IRS2: variants seen among roughly 807,000 people sequenced by gnomAD.
The protein encoded by IRS2 is insulin receptor substrate 2.
IRS2 carries 28 observed loss-of-function variants against 70.9 expected under a neutral mutation model. That is an observed-to-expected ratio of 0.39 (90% CI 0.29 to 0.54). The LOEUF (loss-of-function observed/expected upper bound fraction) is 0.54, where lower values mean the gene tolerates loss of function less well. Ranked by LOEUF, IRS2 falls within the 20% of genes least tolerant of loss-of-function variation. IRS2 has a pLI of 0.59. For synonymous variants in IRS2, 1,217 were observed against 981.9 expected (o/e 1.24, Z -4.48); for missense variants, 2,081 against 2,024.1 (o/e 1.03, Z -0.54).
intron 1 of IRS2, among the ~76,000 whole-genome samples, chr13:109,773,486 A>G (rs1566409119): frequency 6.6e-6 from 1 of 152,242 alleles, no homozygotes. Context: ...TCACTGTGTC[A>G]CCGCCCAGGC....
chr13:109,777,628 TGAG>T (rs1877608479), intron 1 of IRS2, among the ~76,000 whole-genome samples: 1 of 152,154 alleles, frequency 6.6e-6, no homozygotes, highest in South Asian at 2.1e-4. Flanking sequence ...GACTAAACAA[TGAG>T]TAGTCAAACA....
intron 1 of IRS2, among the ~76,000 whole-genome samples, chr13:109,770,476 A>G (rs953939403): frequency 1.3e-5 from 2 of 152,040 alleles, no homozygotes; most frequent in African/African-American, 4.8e-5. Flanking sequence ...TACAAACACT[A>G]CCTCATCTGA....
chr13:109,775,849 A>T (rs1877562753), intron 1 of IRS2, among the ~76,000 whole-genome samples: 1 of 151,982 alleles, frequency 6.6e-6, no homozygotes, highest in South Asian at 2.1e-4. Context: ...TAAAATGAAT[A>T]TTAAAAGATC....
At position 109,784,286 on chromosome 13, in the gene IRS2, G is replaced by A. The variant is rs781763102; in HGVS notation, c.1768C>T (p.Pro590Ser). 3.8e-6 allele frequency: 6 copies of A among 1,597,630 alleles called. No homozygotes were observed. The African/African-American group carries it at 4.0e-5, about 11-fold the overall frequency. ...TATTCATCCAGCGAGGCAGAGGAGG[G>A]CTGGGGCACCGGCCGCTGCCGGGCT... ...TPARQRPVPQ[P>S]SSASLDEYTL... Residue 590 changes from proline to serine, a missense_variant, in exon 1 of 2, where the codon CCC becomes TCC. Physicochemically the swap from Pro to Ser is moderately conservative, Grantham distance 74. This residue lies in a region of IRS2 where 1,615 missense variants were observed against 1,459.5 expected (regional missense o/e 1.11). Coordinates refer to ENST00000375856, the MANE Select transcript of IRS2 (RefSeq NM_003749.3). The surrounding 1 kb of genome is among the most constrained non-coding windows in gnomAD (Gnocchi z 5.2).
Position 109,782,691 on chromosome 13 carries a change from C to T in IRS2, c.3363G>A (p.Leu1121=), listed in dbSNP as rs2138930429. 1.9e-6 allele frequency: 3 copies of T among 1,582,700 alleles called. No individual in the cohort carries two copies. The highest frequency in any genetic ancestry group is 2.6e-6 in the Non-Finnish European group (3 of 1,165,996). ...GGGGGTCCGGGGGCTGGCTGGCCTG[C>T]AGGAAGGCCTCGACTCCCGACACCT... ...MEQVSGVEAF[L]QASQPPDPHR... The change falls in exon 1 of 2, where the codon CTG becomes CTA. Residue 1121 remains leucine (L), a synonymous_variant. Transcript: ENST00000375856.
rs1428455100 is a variant in IRS2 at position 109,783,427 on chromosome 13, C to T, written c.2627G>A (p.Arg876His). ...GCGCTGGCCCAAGAAGCCCTCCGGG[C>T]GGCCGCCGCTAGGCCGCACGGGCGA... ...VPSPVRPSGG[R>H]PEGFLGQRGR... The change falls in exon 1 of 2, where the codon CGC becomes CAC. Residue 876 changes from arginine (R) to histidine (H), a missense_variant. By Grantham distance (29) the Arg-to-His change is conservative. This residue lies in a region of IRS2 where 1,615 missense variants were observed against 1,459.5 expected (regional missense o/e 1.11). Transcript: ENST00000375856. 6.7e-7 allele frequency: 1 copy of T among 1,491,676 alleles called. No homozygotes were observed. The highest frequency in any genetic ancestry group is 1.3e-5 in the South Asian group (1 of 77,682). The allele number at this position is 1,491,676 out of a possible 1,614,324, so 92.4% of individuals were successfully genotyped here.
intron 1 of IRS2, among the ~76,000 whole-genome samples, chr13:109,781,432 C>T (rs1877695076): frequency 6.6e-6 from 1 of 152,222 alleles, no homozygotes; most frequent in Non-Finnish European, 1.5e-5. Flanking sequence ...CCGTTTCACC[C>T]CTTCCGAGAA....
intron 1 of IRS2, among the ~76,000 whole-genome samples, chr13:109,762,826 A>G (rs1404462601): frequency 6.6e-6 from 1 of 152,250 alleles, no homozygotes; most frequent in African/African-American, 2.4e-5. Context: ...GAAATGCTCA[A>G]TAAAGTTTTC....
chr13:109,783,705 G>A lies in IRS2; in HGVS notation c.2349C>T (p.Phe783=). The A allele has an allele frequency of 7.0e-6, 11 of 1,568,264 alleles. 1 individual carries two copies. Among genetic ancestry groups the A allele is most frequent in the Non-Finnish European group, 9.5e-6 (11 of 1,156,658 alleles). Residue 783 remains phenylalanine, a synonymous_variant, in exon 1 of 2, where the codon TTC becomes TTT. Coordinates refer to ENST00000375856, the MANE Select transcript of IRS2 (RefSeq NM_003749.3). ...DAVTTGTPPD[F]FSAALHPGGE... ...CGCCGGGGTGCAGGGCTGCGGAGAA[G>A]AAGTCGGGCGGGGTGCCCGTGGTGA...
In IRS2 at chr13:109,783,319, T is replaced by C. The variant is rs758578438; in HGVS notation, c.2735A>G (p.Glu912Gly). The C allele has an allele frequency of 1.3e-5, 20 of 1,553,282 alleles. No individual in the cohort carries two copies. Among genetic ancestry groups the C allele is most frequent in the African/African-American group, 5.6e-5 (4 of 70,824 alleles). Reference sequence around the variant, plus strand: ...GATGTACTCGCCGGGGCTCTTGGGCTCCGGTGGCAGTGGGTACTCGTGCAT... The same window carrying C: ...GATGTACTCGCCGGGGCTCTTGGGCCCCGGTGGCAGTGGGTACTCGTGCAT... ...PSMHEYPLPPEPKSPGEYINI... is the reference protein window; with the variant it reads ...PSMHEYPLPPGPKSPGEYINI... The change falls in exon 1 of 2, where the codon GAG becomes GGG. Residue 912 changes from glutamate to glycine, a missense_variant. Transcript: ENST00000375856.
At position 109,785,734 on chromosome 13, in the gene IRS2, G is replaced by A. The variant is rs1877901749; in HGVS notation, c.320C>T (p.Ala107Val). Reference sequence around the variant, plus strand: ...GAGGGCGATCAGGTACTTGTGCTTGGCGTCGGCGCGCTTGTTGATGTTCAG... The same window carrying A: ...GAGGGCGATCAGGTACTTGTGCTTGACGTCGGCGCGCTTGTTGATGTTCAG... ...CCLNINKRAD[A>V]KHKYLIALYT... The change falls in exon 1 of 2, where the codon GCC becomes GTC. Residue 107 changes from alanine to valine, a missense_variant. Ala to Val is a moderately conservative substitution (Grantham distance 64). This residue lies in a region of IRS2 where 320 missense variants were observed against 352.9 expected (regional missense o/e 0.91). Transcript: ENST00000375856. This position sits in a 1 kb window ranked among gnomAD's most constrained non-coding sequence, Gnocchi z 9.3. 6.3e-7 allele frequency: 1 copy of A among 1,598,080 alleles called. No individual in the cohort carries two copies.
chr13:109,774,694 G>A (rs1173426357), intron 1 of IRS2, among the ~76,000 whole-genome samples: 1 of 152,116 alleles, frequency 6.6e-6, no homozygotes, highest in Admixed American at 6.5e-5. Flanking sequence ...AAGTCATCTG[G>A]CCTCTCCACA....
rs1363852080 is a variant in IRS2 at position 109,782,304 on chromosome 13, A to G, written c.3750T>C (p.Gly1250=). 2 of 1,610,764 alleles carry G rather than the reference A, an allele frequency of 1.2e-6. No homozygotes were observed. Among genetic ancestry groups the G allele is most frequent in the African/African-American group, 2.7e-5 (2 of 74,506 alleles). ...TCACGTCGATGGCGATGTAGTTGAG[A>G]CCATTCTGGAAGCCGGCAGAGGTCT... ...RRETSAGFQN[G]LNYIAIDVRE... Residue 1250 remains glycine, a synonymous_variant, in exon 1 of 2, where the codon GGT becomes GGC. Transcript: ENST00000375856.
intron 1 of IRS2, among the ~76,000 whole-genome samples, chr13:109,768,065 T>C (rs1051252343): frequency 6.6e-6 from 1 of 152,200 alleles, no homozygotes; most frequent in African/African-American, 2.4e-5. Flanking sequence ...AGTTACATGA[T>C]TTTGTAATAT....
intron 1 of IRS2, among the ~76,000 whole-genome samples, chr13:109,780,091 C>G (rs945943804): frequency 6.6e-6 from 1 of 152,150 alleles, no homozygotes; most frequent in African/African-American, 2.4e-5. Context: ...CTGCTGGGGC[C>G]CCAGCTCCAC....
In IRS2 at chr13:109,754,892, G is replaced by A. The variant is rs954718532; in HGVS notation, c.*1412C>T. On this transcript the variant is annotated 3_prime_UTR_variant, in exon 2 of 2. Transcript: ENST00000375856. Reference sequence around the variant, plus strand: ...AACAACTTACATCTCCAATGAATTAGTGTAACCTCTCCATGACTATCAGAG... The same window carrying A: ...AACAACTTACATCTCCAATGAATTAATGTAACCTCTCCATGACTATCAGAG... 4 of 212,748 alleles carry A rather than the reference G, an allele frequency of 1.9e-5. No homozygotes were observed. The highest frequency in any genetic ancestry group is 1.5e-3 in the Middle Eastern group (1 of 672). The allele number at this position is 212,748 out of a possible 1,614,324, so 13.2% of individuals were successfully genotyped here.
rs1877827221 is a variant in IRS2 at position 109,784,037 on chromosome 13, C to T, written c.2017G>A (p.Asp673Asn). Residue 673 changes from aspartate (D) to asparagine (N), a missense_variant, in exon 1 of 2, where the codon GAC becomes AAC. Asp to Asn is a conservative substitution (Grantham distance 23, BLOSUM62 1). Coordinates refer to ENST00000375856, the MANE Select transcript of IRS2 (RefSeq NM_003749.3). This position sits in a 1 kb window ranked among gnomAD's most constrained non-coding sequence, Gnocchi z 5.2. ...AGSGSGSCRS[D>N]DYMPMSPASV... The stretch of plus-strand genomic sequence containing the variant: ...GCGGGGCTCATGGGCATGTAGTCGT[C>T]GCTCCTGCAGCTGCCGCTCCCACTG... 1 of 1,542,406 alleles carries T rather than the reference C, an allele frequency of 6.5e-7. No homozygotes were observed. The highest frequency in any genetic ancestry group is 8.7e-7 in the Non-Finnish European group (1 of 1,149,280).
chr13:109,759,059 G>A (rs1308873993), intron 1 of IRS2, among the ~76,000 whole-genome samples: 3 of 152,172 alleles, frequency 2.0e-5, no homozygotes, highest in South Asian at 2.1e-4. Flanking sequence ...ATGACCACCC[G>A]CTCAGAGCCA....
At position 109,785,649 on chromosome 13, in the gene IRS2, C is replaced by G; in HGVS notation, c.405G>C (p.Trp135Cys). The G allele has an allele frequency of 6.3e-7, 1 of 1,583,566 alleles. No homozygotes were observed. Among genetic ancestry groups the G allele is most frequent in the Non-Finnish European group, 8.5e-7 (1 of 1,169,852 alleles). The part of the protein sequence containing the change: ...AAENEQEQEG[W>C]YRALTDLVSE... ...TGACCAGGTCGGTGAGCGCGCGGTACCAGCCCTCCTGCTCCTGCTCGTTCT... is the reference window on the plus strand; with the variant it reads ...TGACCAGGTCGGTGAGCGCGCGGTAGCAGCCCTCCTGCTCCTGCTCGTTCT... The change falls in exon 1 of 2, where the codon TGG (tryptophan) becomes TGC (cysteine). Residue 135 changes from tryptophan (W) to cysteine (C), a missense_variant. Coordinates refer to ENST00000375856, the MANE Select transcript of IRS2 (RefSeq NM_003749.3). This position sits in a 1 kb window ranked among gnomAD's most constrained non-coding sequence, Gnocchi z 9.3.
Sources: allele counts gnomAD v4.1 joint callset (sites outside exome capture counted in the v4.1 genomes callset), GRCh38; gene constraint gnomAD v4.1.1; regional missense constraint gnomAD v4.1.1; non-coding constraint Gnocchi (gnomAD v3.1); transcripts MANE v1.5; gene names NCBI Gene and HGNC (gene_info 2026-07-23, HGNC 2026-07-21).